The following ARF1 variants were observed in gnomAD, a reference collection of about 807,000 sequenced individuals.
ARF1 encodes ARF GTPase 1.
Under a neutral mutation model 18.0 loss-of-function variants are expected in ARF1, and 1 was observed. That is an observed-to-expected ratio of 0.06 (90% confidence interval 0.02 to 0.26). The LOEUF is 0.26. Among genes scored for constraint, ARF1 ranks in the 10% least tolerant of loss-of-function variants. The pLI, the probability that ARF1 is intolerant of heterozygous loss-of-function variation, is 1.00. For missense variants in ARF1, 73 were observed against 247.2 expected (o/e 0.30, Z 4.73); for synonymous variants, 112 against 96.3 (o/e 1.16, Z -0.95).
In ARF1 at chr1:228,097,124, A is replaced by C; in HGVS notation, c.10A>C (p.Ile4Leu). The change falls in exon 2 of 5, where the codon ATC becomes CTC. Residue 4 changes from isoleucine (I) to leucine (L), a missense_variant. Coordinates refer to ENST00000272102, the MANE Select transcript of ARF1 (RefSeq NM_001658.4). This position sits in a 1 kb window ranked among gnomAD's most constrained non-coding sequence, Gnocchi z 8.1. MGN[I>L]FANLFKGLFG... Reference sequence around the variant, plus strand: ...CCACCTGTCCACAAGCATGGGGAACATCTTCGCCAACCTCTTCAAGGGCCT... The same window carrying C: ...CCACCTGTCCACAAGCATGGGGAACCTCTTCGCCAACCTCTTCAAGGGCCT... 1 of 1,603,742 alleles carries C rather than the reference A, an allele frequency of 6.2e-7. No homozygotes were observed. The highest frequency in any genetic ancestry group is 8.5e-7 in the Non-Finnish European group (1 of 1,174,700).
chr1:228,096,429 A>G (rs961491720), intron 1 of ARF1: 1 of 152,296 alleles, frequency 6.6e-6, no homozygotes, highest in African/African-American at 2.4e-5. Flanking sequence ...GCCAAAGCCT[A>G]ACAACTTCAG....
At chr1:228,086,413 G>A (rs941053943) in intron 1 of ARF1, among the ~76,000 whole-genome samples, 1 of 152,084 alleles carries the variant, frequency 6.6e-6, no homozygotes, top group African/African-American at 2.4e-5. Context: ...CTACCCGGGA[G>A]GCTGGGGCAG....
At chr1:228,094,072 G>A (rs904655661) in intron 1 of ARF1, among the ~76,000 whole-genome samples, 6 of 152,046 alleles carry the variant, frequency 3.9e-5, no homozygotes, top group Non-Finnish European at 5.9e-5. Flanking sequence ...GCACTGCCCC[G>A]GGCATGAGGA....
Position 228,098,458 on chromosome 1 carries a change from A to C in ARF1, c.*445A>C, listed in dbSNP as rs1221504121. 1 of 154,244 alleles carries C rather than the reference A, an allele frequency of 6.5e-6. No individual in the cohort carries two copies. The highest frequency in any genetic ancestry group is 1.9e-4 in the East Asian group (1 of 5,232). 9.6% of individuals were successfully genotyped at this position (154,244 alleles called of 1,614,324 possible). ...TAAGAATCCAAGTCGAGAACACTTG[A>C]ACACACAGAAGGGAGACCCCGCCTA... On this transcript the variant is annotated 3_prime_UTR_variant, in exon 5 of 5. Transcript: ENST00000272102.
At chr1:228,090,451 G>T (rs2032543258) in intron 1 of ARF1, 2 of 152,270 alleles carry the variant, frequency 1.3e-5, no homozygotes, top group South Asian at 4.1e-4. Flanking sequence ...GGGAGAGGTG[G>T]GGGTAGGGGT....
In ARF1 at chr1:228,097,563, T is replaced by C; in HGVS notation, c.260-28T>C. The stretch of plus-strand genomic sequence containing the variant: ...ATGCGGCAGGGGGGCTGTGTTCCCA[T>C]GACCATTTGACACTGGCTGCCCGGC... On this transcript the variant is annotated intron_variant, in intron 3 of 4. Coordinates refer to ENST00000272102, the MANE Select transcript of ARF1 (RefSeq NM_001658.4). This position sits in a 1 kb window ranked among gnomAD's most constrained non-coding sequence, Gnocchi z 8.1. 6.2e-7 allele frequency: 1 copy of C among 1,614,094 alleles called. No individual in the cohort carries two copies. Among genetic ancestry groups the C allele is most frequent in the Non-Finnish European group, 8.5e-7 (1 of 1,179,992 alleles).
intron 1 of ARF1, among the ~76,000 whole-genome samples, chr1:228,087,634 C>T (rs1461844200): frequency 3.3e-5 from 5 of 151,948 alleles, no homozygotes; most frequent in African/African-American, 2.4e-5. Flanking sequence ...AGAGCAGGAC[C>T]CTTAGCTCTT....
Position 228,096,702 on chromosome 1 carries a change from G to C in ARF1, c.-37-376G>C, listed in dbSNP as rs185747528. Among the ~76,000 whole-genome samples the C allele has an allele frequency of 1.9e-4, 29 of 152,366 alleles. No individual in the cohort carries two copies. In the East Asian group the frequency reaches 5.2e-3, roughly 27 times the overall value. ...GTCCTTGTGAGTGTGGGCAGGCACA[G>C]TGAGTGGTGCTCTCTGGCCCTGGAA... On this transcript the variant is annotated intron_variant, in intron 1 of 4. Coordinates refer to ENST00000272102, the MANE Select transcript of ARF1 (RefSeq NM_001658.4).
chr1:228,094,425 C>G (rs986704894), intron 1 of ARF1, among the ~76,000 whole-genome samples: 4 of 152,150 alleles, frequency 2.6e-5, no homozygotes, highest in Admixed American at 6.5e-5. Flanking sequence ...CCTGGAGTAA[C>G]TCATAAAAGG....
At chr1:228,092,844 G>A (rs2032616793) in intron 1 of ARF1, among the ~76,000 whole-genome samples, 1 of 152,208 alleles carries the variant, frequency 6.6e-6, no homozygotes, top group Admixed American at 6.5e-5. Context: ...CAAAACGGAT[G>A]TGAACTCACA....
intron 1 of ARF1, among the ~76,000 whole-genome samples, chr1:228,096,845 G>A (rs1428025879): frequency 6.6e-6 from 1 of 152,228 alleles, no homozygotes; most frequent in Non-Finnish European, 1.5e-5. Flanking sequence ...TGCAGCTGTG[G>A]GGACAGCTTC....
At chr1:228,086,970 A>G (rs2032422409) in intron 1 of ARF1, among the ~76,000 whole-genome samples, 4 of 152,226 alleles carry the variant, frequency 2.6e-5, no homozygotes, top group Admixed American at 2.6e-4. Flanking sequence ...CTTGCTTGGC[A>G]TGTAGGGAGA....
rs1451660050 is a variant in ARF1 at position 228,098,773 on chromosome 1, TC to T, written c.*761del. The T allele has an allele frequency of 3.9e-5, 6 of 152,642 alleles. No individual in the cohort carries two copies. Among genetic ancestry groups the T allele is most frequent in the Admixed American group, 3.9e-4 (6 of 15,278 alleles). The allele number at this position is 152,642 out of a possible 1,614,324, so 9.5% of individuals were successfully genotyped here. A position where few individuals can be genotyped will look rare whatever the true frequency, so the allele number is the denominator to read the frequency against. On this transcript the variant is annotated 3_prime_UTR_variant, in exon 5 of 5. Coordinates refer to ENST00000272102, the MANE Select transcript of ARF1 (RefSeq NM_001658.4). ...TGGGACGCAGGGCCCCATCTGTCCC[TC>T]GGTCGCCGTGTGGCCAGAGTGGGTC... is the stretch of plus-strand genomic sequence containing the variant.
chr1:228,083,046 TGCCCCC>T (rs2032266210), intron 1 of ARF1: 1 of 152,262 alleles, frequency 6.6e-6, no homozygotes, highest in Admixed American at 6.5e-5. Flanking sequence ...TGCCTGTCCC[TGCCCCC>T]GCCCGTCGCC....
chr1:228,097,586 G>A lies in ARF1; in HGVS notation c.260-5G>A, dbSNP rs1209318969. 3.7e-6 allele frequency: 6 copies of A among 1,613,886 alleles called. No individual in the cohort carries two copies. The highest frequency in any genetic ancestry group is 1.3e-5 in the African/African-American group (1 of 74,884). On this transcript the variant is annotated splice_region_variant and splice_polypyrimidine_tract_variant and intron_variant, in intron 3 of 4. Transcript: ENST00000272102. This position sits in a 1 kb window ranked among gnomAD's most constrained non-coding sequence, Gnocchi z 8.1. ...CATGACCATTTGACACTGGCTGCCC[G>A]GCAGGCCTGATCTTCGTGGTGGACA...
chr1:228,084,727 T>C (rs1396219230), intron 1 of ARF1, among the ~76,000 whole-genome samples: 1 of 152,240 alleles, frequency 6.6e-6, no homozygotes, highest in African/African-American at 2.4e-5. Context: ...GAATTTAATA[T>C]GGACTGTCAG....
chr1:228,097,377 A>C lies in ARF1; in HGVS notation c.184A>C (p.Ser62Arg). ...GGAAACCGTGGAGTACAAGAACATCAGCTTCACTGTGTGGGACGTGGGTGG... is the reference window on the plus strand; with the variant it reads ...GGAAACCGTGGAGTACAAGAACATCCGCTTCACTGTGTGGGACGTGGGTGG... ...NVETVEYKNI[S>R]FTVWDVGGQD... Residue 62 changes from serine (S) to arginine (R), a missense_variant, in exon 3 of 5, where the codon AGC (serine) becomes CGC (arginine). Coordinates refer to ENST00000272102, the MANE Select transcript of ARF1 (RefSeq NM_001658.4). This position sits in a 1 kb window ranked among gnomAD's most constrained non-coding sequence, Gnocchi z 8.1. The C allele has an allele frequency of 6.2e-7, 1 of 1,614,144 alleles. No individual in the cohort carries two copies. The highest frequency in any genetic ancestry group is 8.5e-7 in the Non-Finnish European group (1 of 1,180,024).
In ARF1 at chr1:228,097,195, T is replaced by C. The variant is rs2032776314; in HGVS notation, c.81T>C (p.Ala27=). 2 of 1,613,930 alleles carry C rather than the reference T, an allele frequency of 1.2e-6. No homozygotes were observed. The highest frequency in any genetic ancestry group is 1.7e-6 in the Non-Finnish European group (2 of 1,179,982). ...GCATCCTCATGGTGGGCCTGGATGC[T>C]GCAGGGAAGACCACGATCCTCTACA... is the stretch of plus-strand genomic sequence containing the variant. ...EMRILMVGLD[A]AGKTTILYKL... Residue 27 remains alanine, a synonymous_variant, in exon 2 of 5, where the codon GCT becomes GCC. Coordinates refer to ENST00000272102, the MANE Select transcript of ARF1 (RefSeq NM_001658.4). The surrounding 1 kb of genome is among the most constrained non-coding windows in gnomAD (Gnocchi z 8.1).
chr1:228,094,681 G>T (rs1411505361), intron 1 of ARF1, among the ~76,000 whole-genome samples: 2 of 152,120 alleles, frequency 1.3e-5, no homozygotes, highest in Non-Finnish European at 2.9e-5. Flanking sequence ...CCTCTCCCTG[G>T]TTCCCTGGGG....
Sources: gnomAD v4.1 joint callset for allele counts (sites outside exome capture counted in the v4.1 genomes callset) on GRCh38, gnomAD v4.1.1 for gene constraint, Gnocchi (gnomAD v3.1) non-coding constraint, MANE v1.5 for transcripts, NCBI Gene and HGNC (gene_info 2026-07-23, HGNC 2026-07-21) for gene names.